The following GOLGA1 variants were observed in gnomAD, a reference collection of about 807,000 sequenced individuals.
GOLGA1 encodes the protein golgin subfamily A member 1.
A neutral mutation model predicts 119.7 loss-of-function variants in GOLGA1; 63 were observed. The ratio of observed to expected loss-of-function variants is 0.53; its 90% CI spans 0.43 to 0.65. The LOEUF (loss-of-function observed/expected upper bound fraction) is 0.65, where lower values mean the gene tolerates loss of function less well. GOLGA1 is among the 30% of genes least tolerant of loss of function. The pLI is 0.00. For synonymous variants in GOLGA1, 318 were observed against 333.4 expected (o/e 0.95, Z 0.50); for missense variants, 798 against 912.8 (o/e 0.87, Z 1.62).
At chr9:124,913,117 G>A (rs1293701533) in intron 10 of GOLGA1, among the ~76,000 whole-genome samples, 5 of 152,156 alleles carry the variant, frequency 3.3e-5, no homozygotes, top group Non-Finnish European at 5.9e-5. Context: ...GCAAGCGAGC[G>A]AGGGGGGAAG....
intron 19 of GOLGA1, among the ~76,000 whole-genome samples, chr9:124,883,950 T>TC: frequency 6.6e-6 from 1 of 152,030 alleles, no homozygotes; most frequent in Non-Finnish European, 1.5e-5. Context: ...CCATACACAT[T>TC]CCATTATTCA....
intron 18 of GOLGA1, 91 bp downstream of exon 18, chr9:124,889,052 C>T: frequency 1.0e-6 from 1 of 1,001,054 alleles, no homozygotes; most frequent in East Asian, 2.5e-5. Flanking sequence ...TCGTGTCCAC[C>T]ATGTGTCCCC....
intron 10 of GOLGA1, among the ~76,000 whole-genome samples, chr9:124,920,205 G>C (rs1830538497): frequency 6.6e-6 from 1 of 151,652 alleles, no homozygotes; most frequent in Non-Finnish European, 1.5e-5. Context: ...CTGCAGCCTT[G>C]AATTCCTGGG....
chr9:124,911,996 C>A lies in GOLGA1; in HGVS notation c.874G>T (p.Val292Phe), dbSNP rs1259269932. 4 of 1,613,116 alleles carry A rather than the reference C, an allele frequency of 2.5e-6. No individual in the cohort carries two copies. The African/African-American group carries it at 5.3e-5, about 22-fold the overall frequency. Residue 292 changes from valine to phenylalanine, a missense_variant, in exon 11 of 23, where the codon GTT becomes TTT. Transcript: ENST00000373555. ...ACCTTCTCTTGCAAATGTGTGATAACGTCTTCTTTCTCTTGAGTTTCAGCA... is the reference window on the plus strand; with the variant it reads ...ACCTTCTCTTGCAAATGTGTGATAAAGTCTTCTTTCTCTTGAGTTTCAGCA... ...VTAETQEKED[V>F]ITHLQEKVAS...
rs1404946474 is a variant in GOLGA1, at chr9:124,878,462, A to G, written c.*2068T>C. 1 of 152,652 alleles carries G rather than the reference A, an allele frequency of 6.6e-6. No individual in the cohort carries two copies. 9.5% of individuals were successfully genotyped at this position (152,652 alleles called of 1,614,324 possible). On this transcript the variant is annotated 3_prime_UTR_variant, in exon 23 of 23. Coordinates refer to ENST00000373555, the MANE Select transcript of GOLGA1 (RefSeq NM_002077.4). ...CAAGAATACAATCCCTATTTACAAC[A>G]TGGAAGGAGAGCTCAAGATCCATCG...
chr9:124,924,636 CAA>C (rs71374206), intron 7 of GOLGA1, among the ~76,000 whole-genome samples: 20 of 108,674 alleles, frequency 1.8e-4, no homozygotes, highest in Non-Finnish European at 2.2e-4. Flanking sequence ...GACCCTGTCT[CAA>C]AAAAAAAAAA....
At position 124,935,197 on chromosome 9, in the gene GOLGA1, A is replaced by G. The variant is rs531605931; in HGVS notation, c.135+3380T>C. 2.6e-5 allele frequency among the ~76,000 whole-genome samples: 4 copies of G among 152,218 alleles called. No homozygotes were observed. The South Asian group carries it at 8.3e-4, about 32-fold the overall frequency. Reference sequence around the variant, plus strand: ...GGATCAGAAGTGTTTTGGAGTTTGGATTTTTTCAGATTTTGGAATGTCTGC... The same window carrying G: ...GGATCAGAAGTGTTTTGGAGTTTGGGTTTTTTCAGATTTTGGAATGTCTGC... On this transcript the variant is annotated intron_variant, in intron 3 of 22. Transcript: ENST00000373555.
intron 10 of GOLGA1, among the ~76,000 whole-genome samples, chr9:124,913,100 G>A (rs943512657): frequency 1.3e-5 from 2 of 152,190 alleles, no homozygotes; most frequent in Admixed American, 6.5e-5. Context: ...CACGGTGGCA[G>A]GATAGAGCAA....
At chr9:124,926,888 T>C in intron 6 of GOLGA1, 147 bp from the exon 7 acceptor site, 1 of 567,964 alleles carries the variant, frequency 1.8e-6, no homozygotes. Flanking sequence ...TCTATAAACT[T>C]GGTTTAATAT....
intron 12 of GOLGA1, among the ~76,000 whole-genome samples, chr9:124,906,488 G>A (rs762792298): frequency 4.0e-5 from 6 of 151,500 alleles, no homozygotes; most frequent in Non-Finnish European, 8.8e-5. Context: ...GGTGGCTCAC[G>A]CCTATAAACC....
intron 10 of GOLGA1, among the ~76,000 whole-genome samples, chr9:124,918,747 C>A (rs1830502787): frequency 6.6e-6 from 1 of 151,922 alleles, no homozygotes; most frequent in East Asian, 1.9e-4. Flanking sequence ...CAAAGTGAGA[C>A]CCTGTCTCAG....
intron 13 of GOLGA1, among the ~76,000 whole-genome samples, chr9:124,899,734 C>T (rs1044310054): frequency 6.6e-6 from 1 of 152,248 alleles, no homozygotes; most frequent in Non-Finnish European, 1.5e-5. Flanking sequence ...CCAGCCAGCC[C>T]TTAGACACAG....
intron 1 of GOLGA1, chr9:124,947,186 AT>A (rs1184697065): frequency 1.3e-5 from 2 of 152,100 alleles, no homozygotes; most frequent in African/African-American, 2.4e-5. Context: ...GATTAAAGCA[AT>A]TTTTTTCCAC....
intron 15 of GOLGA1, among the ~76,000 whole-genome samples, chr9:124,890,684 C>T (rs1221594034): frequency 2.0e-5 from 3 of 152,130 alleles, no homozygotes; most frequent in African/African-American, 7.2e-5. Flanking sequence ...ACCGACTTCT[C>T]TGGAAATGGC....
chr9:124,940,265 G>C (rs1393973328), intron 1 of GOLGA1, 110 bp from the exon 2 acceptor site: 1 of 152,104 alleles, frequency 6.6e-6, no homozygotes, highest in East Asian at 1.9e-4. Flanking sequence ...GGCAGAAGAA[G>C]GATTAAAGGG....
intron 10 of GOLGA1, among the ~76,000 whole-genome samples, chr9:124,920,573 G>A (rs1830545705): frequency 6.6e-6 from 1 of 152,066 alleles, no homozygotes. Flanking sequence ...GTATGTCAAA[G>A]GTACAGCCCT....
intron 12 of GOLGA1, among the ~76,000 whole-genome samples, chr9:124,904,394 G>A (rs1830177554): frequency 6.6e-6 from 1 of 151,998 alleles, no homozygotes; most frequent in African/African-American, 2.4e-5. Context: ...TGATCAAAAA[G>A]GATATTCAGA....
chr9:124,916,498 T>C lies in GOLGA1; in HGVS notation c.844-4472A>G, dbSNP rs187377148. ...TAAACTTATAGCAAATGAACAATTA[T>C]GTAGAAAAATATAAATTAACAAAAC... On this transcript the variant is annotated intron_variant, in intron 10 of 22. Transcript: ENST00000373555. 3.0e-4 allele frequency among the ~76,000 whole-genome samples: 46 copies of C among 152,190 alleles called. No homozygotes were observed. In the East Asian group the frequency reaches 8.1e-3, roughly 27 times the overall value.
At chr9:124,916,701 T>C (rs1000615998) in intron 10 of GOLGA1, among the ~76,000 whole-genome samples, 1 of 151,558 alleles carries the variant, frequency 6.6e-6, no homozygotes, top group Non-Finnish European at 1.5e-5. Flanking sequence ...TAGTGAGACC[T>C]TAACTATAAA....
Sources: allele counts gnomAD v4.1 joint callset (sites outside exome capture counted in the v4.1 genomes callset), GRCh38; gene constraint gnomAD v4.1.1; transcripts MANE v1.5; gene names NCBI Gene and HGNC (gene_info 2026-07-23, HGNC 2026-07-21).